MTUS1: variants seen among roughly 807,000 people sequenced by gnomAD.
The protein encoded by MTUS1 is microtubule-associated tumor suppressor 1.
A neutral mutation model predicts 120.8 loss-of-function variants in MTUS1; 109 were observed. That is an observed-to-expected ratio of 0.90 (90% CI 0.77 to 1.06). The LOEUF (loss-of-function observed/expected upper bound fraction) is 1.06, where lower values mean the gene tolerates loss of function less well. Among genes scored for constraint, MTUS1 ranks in the 50% least tolerant of loss-of-function variants. The pLI is 0.00. For missense variants in MTUS1, 2,210 were observed against 1,486.3 expected (o/e 1.49, Z -8.01); for synonymous variants, 737 against 550.5 (o/e 1.34, Z -4.74).
chr8:17,707,161 T>C (rs1433574365), intron 6 of MTUS1, among the ~76,000 whole-genome samples: 1 of 152,148 alleles, frequency 6.6e-6, no homozygotes, highest in Non-Finnish European at 1.5e-5. Context: ...CAGCAGAATA[T>C]GAAAAAAGTC....
chr8:17,764,626 A>G (rs1428126321), intron 1 of MTUS1, among the ~76,000 whole-genome samples: 1 of 152,228 alleles, frequency 6.6e-6, no homozygotes, highest in Non-Finnish European at 1.5e-5. Context: ...AAAATATCTT[A>G]GGCTTTACAG....
chr8:17,798,299 G>A (rs954684159), intron 1 of MTUS1, among the ~76,000 whole-genome samples: 4 of 152,054 alleles, frequency 2.6e-5, no homozygotes, highest in Admixed American at 2.6e-4. Context: ...GGAAGTTCTT[G>A]CAATGAATTT....
chr8:17,773,249 A>G (rs1313194044), intron 1 of MTUS1, among the ~76,000 whole-genome samples: 1 of 152,204 alleles, frequency 6.6e-6, no homozygotes, highest in African/African-American at 2.4e-5. Flanking sequence ...AATTTTTTAA[A>G]TATTTTGCAA....
At chr8:17,663,777 G>C (rs1810303809) in intron 8 of MTUS1, among the ~76,000 whole-genome samples, 1 of 152,022 alleles carries the variant, frequency 6.6e-6, no homozygotes, top group Admixed American at 6.6e-5. Flanking sequence ...TGTATTTTTA[G>C]TGGAGACAGG....
intron 6 of MTUS1, among the ~76,000 whole-genome samples, chr8:17,711,185 T>C (rs1259836185): frequency 2.0e-5 from 3 of 152,246 alleles, no homozygotes; most frequent in African/African-American, 4.8e-5. Context: ...TATTAGCTTC[T>C]AATAAGACAG....
chr8:17,656,203 C>A, intron 8 of MTUS1, 138 bp from the exon 9 acceptor site: 1 of 745,290 alleles, frequency 1.3e-6, no homozygotes, highest in Non-Finnish European at 2.2e-6. Flanking sequence ...ACCATGTCTT[C>A]AAATATAACA....
rs545218018 is a variant in MTUS1 at position 17,647,802 on chromosome 8, C to G, written c.3502-723G>C. On this transcript the variant is annotated intron_variant, in intron 13 of 14. Coordinates refer to ENST00000693296, the MANE Select transcript of MTUS1 (RefSeq NM_001363059.2). Reference sequence around the variant, plus strand: ...ACTTAACATGATGAAGACCTGATTCCATCCCCCACTCACTTTCTAAAGGTA... The same window carrying G: ...ACTTAACATGATGAAGACCTGATTCGATCCCCCACTCACTTTCTAAAGGTA... Among the ~76,000 whole-genome samples the G allele has an allele frequency of 3.3e-5, 5 of 152,300 alleles. No homozygotes were observed. The East Asian group carries it at 9.6e-4, about 29-fold the overall frequency.
intron 6 of MTUS1, among the ~76,000 whole-genome samples, chr8:17,711,453 C>CTT (rs142596228): frequency 2.0e-5 from 3 of 150,958 alleles, no homozygotes; most frequent in African/African-American, 4.9e-5. Context: ...TAGCTTCCAG[C>CTT]TTTTTTTTTT....
rs1586184292 is a variant in MTUS1 at position 17,754,604 on chromosome 8, C to T, written c.1204G>A (p.Gly402Arg). 1.2e-6 allele frequency: 2 copies of T among 1,614,186 alleles called. No homozygotes were observed. Among genetic ancestry groups the T allele is most frequent in the Non-Finnish European group, 1.7e-6 (2 of 1,180,032 alleles). The change falls in exon 2 of 15, where the codon GGA becomes AGA. Residue 402 changes from glycine (G) to arginine (R), a missense_variant. Coordinates refer to ENST00000693296, the MANE Select transcript of MTUS1 (RefSeq NM_001363059.2). ...TSELILSSPP[G>R]QKVGSSFGLT... ...CCAAATGACGAGCCCACCTTTTGTCCTGGCGGGCTACTTAGAATCAATTCT... is the reference window on the plus strand; with the variant it reads ...CCAAATGACGAGCCCACCTTTTGTCTTGGCGGGCTACTTAGAATCAATTCT...
chr8:17,767,514 C>G (rs894380915), intron 1 of MTUS1, among the ~76,000 whole-genome samples: 2 of 146,054 alleles, frequency 1.4e-5, no homozygotes, highest in African/African-American at 2.5e-5. Flanking sequence ...CTGGGCAACA[C>G]AGCAAAACCC....
chr8:17,662,951 G>C (rs938140081), intron 8 of MTUS1, among the ~76,000 whole-genome samples: 1 of 152,060 alleles, frequency 6.6e-6, no homozygotes, highest in Non-Finnish European at 1.5e-5. Context: ...TAAAATGTAA[G>C]GCCACATTGA....
intron 1 of MTUS1, among the ~76,000 whole-genome samples, chr8:17,783,149 A>G (rs979966522): frequency 2.0e-5 from 3 of 152,194 alleles, no homozygotes; most frequent in Non-Finnish European, 2.9e-5. Context: ...CTTGTATTTG[A>G]GAAGGCAACC....
At chr8:17,660,674 T>C (rs1809486544) in intron 8 of MTUS1, among the ~76,000 whole-genome samples, 1 of 152,216 alleles carries the variant, frequency 6.6e-6, no homozygotes, top group South Asian at 2.1e-4. Context: ...AGGGTTCCAA[T>C]TTCTCCACAT....
chr8:17,699,466 C>G (rs576542193), intron 6 of MTUS1, among the ~76,000 whole-genome samples: 1 of 152,148 alleles, frequency 6.6e-6, no homozygotes, highest in Non-Finnish European at 1.5e-5. Context: ...CCACACACCT[C>G]GGCCTCCCAA....
chr8:17,675,595 T>A (rs1282962644), intron 7 of MTUS1, among the ~76,000 whole-genome samples: 1 of 152,144 alleles, frequency 6.6e-6, no homozygotes, highest in African/African-American at 2.4e-5. Context: ...GTTCTCCTCC[T>A]CCAAGGGCAA....
intron 6 of MTUS1, among the ~76,000 whole-genome samples, chr8:17,686,398 T>C (rs1241355725): frequency 6.6e-6 from 1 of 152,234 alleles, no homozygotes; most frequent in African/African-American, 2.4e-5. Context: ...CAAACCTACA[T>C]ATAAACATCT....
chr8:17,662,544 T>C (rs1226266352), intron 8 of MTUS1, among the ~76,000 whole-genome samples: 3 of 151,558 alleles, frequency 2.0e-5, no homozygotes, highest in African/African-American at 7.3e-5. Flanking sequence ...TTAGTAGAGA[T>C]GGGGTTTCAC....
At chr8:17,659,402 A>T (rs1468137015) in intron 8 of MTUS1, among the ~76,000 whole-genome samples, 2 of 152,144 alleles carry the variant, frequency 1.3e-5, no homozygotes, top group Non-Finnish European at 2.9e-5. Context: ...AAATAAATAA[A>T]AACTGTGATG....
chr8:17,754,574 T>G lies in MTUS1; in HGVS notation c.1234A>C (p.Thr412Pro). 1 of 1,614,206 alleles carries G rather than the reference T, an allele frequency of 6.2e-7. No homozygotes were observed. Among genetic ancestry groups the G allele is most frequent in the Non-Finnish European group, 8.5e-7 (1 of 1,180,038 alleles). ...GQKVGSSFGL[T>P]WDANDMVIST... ...ATGACCATATCATTTGCATCCCAAG[T>G]CAGTCCAAATGACGAGCCCACCTTT... The change falls in exon 2 of 15, where the codon ACT becomes CCT. Residue 412 changes from threonine to proline, a missense_variant. Physicochemically the swap from Thr to Pro is conservative, Grantham distance 38. Coordinates refer to ENST00000693296, the MANE Select transcript of MTUS1 (RefSeq NM_001363059.2).
Sources: allele counts gnomAD v4.1 joint callset (sites outside exome capture counted in the v4.1 genomes callset), GRCh38; gene constraint gnomAD v4.1.1; transcripts MANE v1.5; gene names NCBI Gene and HGNC (gene_info 2026-07-23, HGNC 2026-07-21).